The following GALNTL6 variants were observed in gnomAD, a reference collection of about 807,000 sequenced individuals.
The protein encoded by GALNTL6 is polypeptide N-acetylgalactosaminyltransferase like 6.
Under a neutral mutation model 73.7 loss-of-function variants are expected in GALNTL6, and 46 were observed. That is an observed-to-expected ratio of 0.62 (90% CI 0.49 to 0.80). The LOEUF is 0.80. GALNTL6 is among the 30% of genes least tolerant of loss of function. The pLI, the probability that GALNTL6 is intolerant of heterozygous loss-of-function variation, is 0.00. For synonymous variants in GALNTL6, 259 were observed against 263.7 expected, an observed-to-expected ratio of 0.98 and a Z score of 0.17; for missense variants, 604 against 755.0, an observed-to-expected ratio of 0.80 and a Z score of 2.34.
At chr4:172,391,961 A>G (rs886605477) in intron 5 of GALNTL6, among the ~76,000 whole-genome samples, 1 of 152,106 alleles carries the variant, frequency 6.6e-6, no homozygotes, top group African/African-American at 2.4e-5. Flanking sequence ...GATAATGCTA[A>G]TCAACTTTTT....
At chr4:172,685,990 T>A (rs991991491) in intron 5 of GALNTL6, among the ~76,000 whole-genome samples, 7 of 152,226 alleles carry the variant, frequency 4.6e-5, no homozygotes, top group African/African-American at 1.7e-4. Flanking sequence ...CCAAAGAGAT[T>A]ACTTGAGAGT....
chr4:173,035,073 A>T lies in GALNTL6; in HGVS notation c.1639-4860A>T, dbSNP rs1016567281. On this transcript the variant is annotated intron_variant, in intron 12 of 12. Coordinates refer to ENST00000506823, the MANE Select transcript of GALNTL6 (RefSeq NM_001034845.3). ...CTCACCCTCATCTACAATCTCATTG[A>T]CACTTTTTTACTACAAACATTTCTT... Among the ~76,000 whole-genome samples, 3 of 150,668 alleles carry T rather than the reference A, an allele frequency of 2.0e-5. No individual in the cohort carries two copies. In the South Asian group the frequency reaches 6.2e-4, roughly 31 times the overall value.
At chr4:172,469,530 C>T (rs775768805) in intron 5 of GALNTL6, among the ~76,000 whole-genome samples, 3 of 152,062 alleles carry the variant, frequency 2.0e-5, no homozygotes, top group Non-Finnish European at 2.9e-5. Flanking sequence ...GAGGTTGAGG[C>T]AGGAGAAACA....
chr4:171,945,920 T>TA (rs1738690034), intron 2 of GALNTL6, among the ~76,000 whole-genome samples: 1 of 152,134 alleles, frequency 6.6e-6, no homozygotes, highest in South Asian at 2.1e-4. Context: ...CTTGAGGCAA[T>TA]CCCAGGTGAC....
At chr4:172,027,094 T>C (rs1331279644) in intron 2 of GALNTL6, among the ~76,000 whole-genome samples, 2 of 152,118 alleles carry the variant, frequency 1.3e-5, no homozygotes, top group African/African-American at 4.8e-5. Flanking sequence ...AGTTTCACCA[T>C]GTTGCCCAGG....
intron 3 of GALNTL6, among the ~76,000 whole-genome samples, chr4:172,236,654 G>A (rs530768270): frequency 6.6e-6 from 1 of 151,388 alleles, no homozygotes; most frequent in African/African-American, 2.4e-5. Context: ...TTACATTTCT[G>A]TTTCGTTCTG....
rs558865928 is a variant in GALNTL6, at chr4:172,916,729, T to G, written c.1042-14432T>G. 1.0e-3 allele frequency among the ~76,000 whole-genome samples: 159 copies of G among 152,162 alleles called. 1 individual carries two copies. The highest frequency in any genetic ancestry group is 3.4e-3 in the Middle Eastern group (1 of 294). On this transcript the variant is annotated intron_variant, in intron 8 of 12. Transcript: ENST00000506823. ...CGTTTCAAGGAGAACTACAAACCAC[T>G]GCTCAATGAAATAAAAGAGGACACA... is the stretch of plus-strand genomic sequence containing the variant.
intron 2 of GALNTL6, among the ~76,000 whole-genome samples, chr4:171,908,238 A>T (rs1023471882): frequency 6.6e-6 from 1 of 152,050 alleles, no homozygotes; most frequent in African/African-American, 2.4e-5. Context: ...ATTTTCACAA[A>T]CTACTCATCT....
intron 7 of GALNTL6, among the ~76,000 whole-genome samples, chr4:172,880,152 G>T (rs1745382579): frequency 6.6e-6 from 1 of 151,934 alleles, no homozygotes; most frequent in East Asian, 1.9e-4. Context: ...CCACTTCTAG[G>T]AATATTCCCA....
intron 5 of GALNTL6, among the ~76,000 whole-genome samples, chr4:172,385,702 A>G (rs1164164523): frequency 1.3e-5 from 2 of 152,094 alleles, no homozygotes; most frequent in Non-Finnish European, 2.9e-5. Context: ...TATAAAATCC[A>G]TTCTTCCAAT....
chr4:172,868,920 G>A (rs1744790209), intron 7 of GALNTL6, among the ~76,000 whole-genome samples: 1 of 152,138 alleles, frequency 6.6e-6, no homozygotes, highest in Non-Finnish European at 1.5e-5. Context: ...ACACAGTCCT[G>A]CCTTCTAAAA....
At chr4:171,855,440 T>TGTGGC (rs1735661790) in intron 2 of GALNTL6, among the ~76,000 whole-genome samples, 1 of 152,354 alleles carries the variant, frequency 6.6e-6, no homozygotes, top group East Asian at 1.9e-4. Context: ...CCATGTCTTT[T>TGTGGC]GTGGCTTGAT....
intron 5 of GALNTL6, among the ~76,000 whole-genome samples, chr4:172,581,631 T>G (rs1239787676): frequency 6.6e-6 from 1 of 152,216 alleles, no homozygotes; most frequent in Non-Finnish European, 1.5e-5. Flanking sequence ...CACCCAAGTC[T>G]TTCCTGTTCT....
chr4:172,166,741 C>T (rs530377464), intron 2 of GALNTL6, among the ~76,000 whole-genome samples: 3 of 152,160 alleles, frequency 2.0e-5, no homozygotes, highest in African/African-American at 7.2e-5. Flanking sequence ...CTTTCTTTGC[C>T]TCCAAGATGG....
At chr4:171,924,573 T>C (rs74763378) in intron 2 of GALNTL6, among the ~76,000 whole-genome samples, 6,443 of 152,236 alleles carry the variant, frequency 0.042, 394 homozygotes, top group African/African-American at 0.14. Flanking sequence ...ATCTGCCCTT[T>C]TCTTTTTGAC....
intron 8 of GALNTL6, among the ~76,000 whole-genome samples, chr4:172,914,073 G>T (rs1747363146): frequency 1.3e-5 from 2 of 152,010 alleles, no homozygotes; most frequent in African/African-American, 4.8e-5. Context: ...CCAGAAGGTT[G>T]GGGGGGTGGT....
At chr4:173,000,412 C>G (rs1393464314) in intron 10 of GALNTL6, among the ~76,000 whole-genome samples, 2 of 152,100 alleles carry the variant, frequency 1.3e-5, no homozygotes, top group Non-Finnish European at 2.9e-5. Context: ...AATTGCATAT[C>G]TAAATAAATG....
chr4:172,408,665 T>C (rs575070758), intron 5 of GALNTL6, among the ~76,000 whole-genome samples: 2 of 152,008 alleles, frequency 1.3e-5, no homozygotes, highest in Non-Finnish European at 2.9e-5. Context: ...TTGAGGTAAA[T>C]GCTAATCATT....
chr4:172,171,164 G>C (rs1734808742), intron 2 of GALNTL6, among the ~76,000 whole-genome samples: 1 of 152,102 alleles, frequency 6.6e-6, no homozygotes, highest in Non-Finnish European at 1.5e-5. Context: ...GTCAGTGTTT[G>C]GACTTCAGAT....
Sources: allele counts gnomAD v4.1 joint callset (sites outside exome capture counted in the v4.1 genomes callset), GRCh38; gene constraint gnomAD v4.1.1; transcripts MANE v1.5; gene names NCBI Gene and HGNC (gene_info 2026-07-23, HGNC 2026-07-21).